Variants in KMT2B observed in about 807,000 individuals in gnomAD.
KMT2B encodes the protein lysine methyltransferase 2B, also known as histone-lysine N-methyltransferase 2B.
KMT2B carries 22 observed loss-of-function variants against 255.3 expected under a neutral mutation model. The ratio of observed to expected loss-of-function variants is 0.09; its 90% confidence interval spans 0.06 to 0.12. The LOEUF (loss-of-function observed/expected upper bound fraction) is 0.12, where lower values mean the gene tolerates loss of function less well. Among genes scored for constraint, KMT2B ranks in the 10% least tolerant of loss-of-function variants. The pLI is 1.00. For missense variants in KMT2B, 3,149 were observed against 3,737.0 expected (o/e 0.84, Z 4.10); for synonymous variants, 1,730 against 1,498.1 (o/e 1.15, Z -3.57).
rs1969623816 is a variant in KMT2B at position 35,729,886 on chromosome 19, C to T, written c.4918-81C>T. On this transcript the variant is annotated intron_variant, in intron 22 of 36. Coordinates refer to ENST00000420124, the MANE Select transcript of KMT2B (RefSeq NM_014727.3). ...TTTGCCGTGCCAGGCTAGACAGGGACCCATGCAGACTCAGTGACAGTGGTG... is the reference window on the plus strand; with the variant it reads ...TTTGCCGTGCCAGGCTAGACAGGGATCCATGCAGACTCAGTGACAGTGGTG... 9 of 1,394,514 alleles carry T rather than the reference C, an allele frequency of 6.5e-6. No individual in the cohort carries two copies. In the East Asian group the frequency reaches 7.4e-5, roughly 11 times the overall value. 86.4% of individuals were successfully genotyped at this position (1,394,514 alleles called of 1,614,324 possible). A position where few individuals can be genotyped will look rare whatever the true frequency, so the allele number is the denominator to read the frequency against.
intron 3 of KMT2B, 98 bp downstream of exon 3, chr19:35,721,902 T>G (rs1969229510): frequency 7.0e-7 from 1 of 1,424,420 alleles, no homozygotes; most frequent in African/African-American, 1.4e-5. Flanking sequence ...TTTCCAGCAT[T>G]GCGGGGAACC....
In KMT2B at chr19:35,720,432, A is replaced by G. The variant is rs764517352; in HGVS notation, c.1085A>G (p.Asp362Gly). The change falls in exon 3 of 37, where the codon GAT (aspartate) becomes GGT (glycine). Residue 362 changes from aspartate to glycine, a missense_variant. Asp to Gly is a moderately conservative substitution (Grantham distance 94). Around this residue, in one of 18 missense-constraint regions of KMT2B, gnomAD observed 1,188 missense variants for 1,106.4 expected, o/e 1.07. Coordinates refer to ENST00000420124, the MANE Select transcript of KMT2B (RefSeq NM_014727.3). ...PCWKKQEQKLDDEEEEKKEEE... is the reference protein window; with the variant it reads ...PCWKKQEQKLGDEEEEKKEEE... The stretch of plus-strand genomic sequence containing the variant: ...TGGAAAAAGCAGGAACAGAAGCTGG[A>G]TGACGAGGAAGAAGAGAAGAAAGAA... 5.8e-6 allele frequency: 9 copies of G among 1,556,682 alleles called. No individual in the cohort carries two copies. In the African/African-American group the frequency reaches 1.2e-4, roughly 21 times the overall value.
At chr19:35,728,071 T>C (rs1969537875) in intron 18 of KMT2B, 27 bp from the exon 19 acceptor site, 1 of 1,580,254 alleles carries the variant, frequency 6.3e-7, no homozygotes, top group Non-Finnish European at 8.6e-7. Flanking sequence ...AAGCTGGCTC[T>C]TCTCATCCTG....
Position 35,722,456 on chromosome 19 carries a change from A to T in KMT2B, c.2555A>T (p.Lys852Met), listed in dbSNP as rs1969258173. Reference sequence around the variant, plus strand: ...TCTGAAGATGAGTCGGTGGAAGCTAAGAGAGAGCGGCCCTCAGTATGCATC... The same window carrying T: ...TCTGAAGATGAGTCGGTGGAAGCTATGAGAGAGCGGCCCTCAGTATGCATC... ...VRSEDESVEA[K>M]RERPSGPESP... Residue 852 changes from lysine to methionine, a missense_variant, in exon 4 of 37, where the codon AAG becomes ATG. By Grantham distance (95) the Lys-to-Met change is moderately conservative. Around this residue, in one of 18 missense-constraint regions of KMT2B, gnomAD observed 1,188 missense variants for 1,106.4 expected, o/e 1.07. Transcript: ENST00000420124. 6.2e-7 allele frequency: 1 copy of T among 1,608,540 alleles called. No homozygotes were observed. Among genetic ancestry groups the T allele is most frequent in the Non-Finnish European group, 8.5e-7 (1 of 1,179,754 alleles).
Position 35,720,117 on chromosome 19 carries a change from T to C in KMT2B, c.770T>C (p.Val257Ala), listed in dbSNP as rs892834265. 1 of 1,599,122 alleles carries C rather than the reference T, an allele frequency of 6.3e-7. No homozygotes were observed. The highest frequency in any genetic ancestry group is 8.5e-7 in the Non-Finnish European group (1 of 1,173,034). Residue 257 changes from valine (V) to alanine (A), a missense_variant, in exon 3 of 37, where the codon GTT becomes GCT. Around this residue, in one of 18 missense-constraint regions of KMT2B, gnomAD observed 1,188 missense variants for 1,106.4 expected, o/e 1.07. Transcript: ENST00000420124. ...AAACCTGAGCCCCCACCTCCTGTGG[T>C]TCCAGTGAAACATCAGACTGGCAGC... is the stretch of plus-strand genomic sequence containing the variant. The part of the protein sequence containing the change: ...IPKPEPPPPV[V>A]PVKHQTGSWK...
rs887753364 is a variant in KMT2B at position 35,728,665 on chromosome 19, A to G, written c.4572-109A>G. 33 of 770,464 alleles carry G rather than the reference A, an allele frequency of 4.3e-5. No homozygotes were observed. In the Admixed American group the frequency reaches 4.6e-4, roughly 11 times the overall value. 47.7% of individuals were successfully genotyped at this position (770,464 alleles called of 1,614,324 possible). ...TTTGGTGGACTGAGAGAAATTCCAC[A>G]TAGAGAGGGAGTAGCGGGTGTCATG... On this transcript the variant is annotated intron_variant, in intron 19 of 36. Coordinates refer to ENST00000420124, the MANE Select transcript of KMT2B (RefSeq NM_014727.3).
In KMT2B at chr19:35,733,309, C is replaced by A. The variant is rs763536557; in HGVS notation, c.6760C>A (p.Pro2254Thr). ...GGTCGGAGTGGTCCGCCCTGCCCCG[C>A]CCCCGCCACCCCCTCCCCTGACGCT... ...PVVGVVRPAP[P>T]PPPPPLTLVL... Residue 2254 changes from proline (P) to threonine (T), a missense_variant, in exon 28 of 37, where the codon CCC becomes ACC. Coordinates refer to ENST00000420124, the MANE Select transcript of KMT2B (RefSeq NM_014727.3). The surrounding 1 kb of genome is among the most constrained non-coding windows in gnomAD (Gnocchi z 4.3). 8.9e-5 allele frequency: 126 copies of A among 1,411,798 alleles called. No individual in the cohort carries two copies. Among genetic ancestry groups the A allele is most frequent in the Middle Eastern group, 2.5e-4 (1 of 4,074 alleles). 87.5% of individuals were successfully genotyped at this position (1,411,798 alleles called of 1,614,324 possible).
chr19:35,723,992 A>AC lies in KMT2B; in HGVS notation c.3325dup (p.Arg1109ProfsTer4). ...GGGCCCCCCTGCTCCTCGGCGTCGG[A>AC]CCCCCCGAGAAAATGGTGCGAACTG... is the stretch of plus-strand genomic sequence containing the variant. On this transcript the variant is annotated frameshift_variant, in exon 8 of 37. Coordinates refer to ENST00000420124, the MANE Select transcript of KMT2B (RefSeq NM_014727.3). LOFTEE classifies it high-confidence loss of function. This position sits in a 1 kb window ranked among gnomAD's most constrained non-coding sequence, Gnocchi z 7.5. 2 of 1,588,678 alleles carry AC rather than the reference A, an allele frequency of 1.3e-6. No individual in the cohort carries two copies. The highest frequency in any genetic ancestry group is 8.6e-7 in the Non-Finnish European group (1 of 1,167,904).
chr19:35,724,149 G>A, intron 8 of KMT2B, 142 bp downstream of exon 8: 2 of 778,326 alleles, frequency 2.6e-6, no homozygotes, highest in Non-Finnish European at 4.0e-6. Context: ...ACAGTTTTTA[G>A]GTGGATGTAC....
chr19:35,723,317 C>CCCTAGGCTTCCTA lies in KMT2B; in HGVS notation c.3002+47_3002+59dup. The stretch of plus-strand genomic sequence containing the variant: ...GACCTCATTCCCGTGGTTGTTGGTC[C>CCCTAGGCTTCCTA]CCTAGGCTTCCTACCTCACTCCTCT... On this transcript the variant is annotated intron_variant, in intron 6 of 36. Transcript: ENST00000420124. The surrounding 1 kb of genome is among the most constrained non-coding windows in gnomAD (Gnocchi z 7.5). The CCCTAGGCTTCCTA allele has an allele frequency of 6.3e-7, 1 of 1,590,874 alleles. No homozygotes were observed. Among genetic ancestry groups the CCCTAGGCTTCCTA allele is most frequent in the Non-Finnish European group, 8.6e-7 (1 of 1,165,170 alleles).
rs900233263 is a variant in KMT2B, at chr19:35,723,600, C to T, written c.3058+98C>T. The T allele has an allele frequency of 7.7e-6, 10 of 1,305,102 alleles. No individual in the cohort carries two copies. Among genetic ancestry groups the T allele is most frequent in the African/African-American group, 3.0e-5 (2 of 67,244 alleles). 80.8% of individuals were successfully genotyped at this position (1,305,102 alleles called of 1,614,324 possible). ...TTGCTCTCCTCCCTTGCAGCTCACCCTCTCCATCTTCTCCGTTGTGTGCTT... is the reference window on the plus strand; with the variant it reads ...TTGCTCTCCTCCCTTGCAGCTCACCTTCTCCATCTTCTCCGTTGTGTGCTT... On this transcript the variant is annotated intron_variant, in intron 7 of 36. Coordinates refer to ENST00000420124, the MANE Select transcript of KMT2B (RefSeq NM_014727.3). This position sits in a 1 kb window ranked among gnomAD's most constrained non-coding sequence, Gnocchi z 7.5.
Position 35,733,220 on chromosome 19 carries a change from T to A in KMT2B, c.6671T>A (p.Ile2224Asn). ...AAGCAGCCACCTTTGCCCCCCACCA[T>A]TTCCCCCACGGCTCCCACCTCCTGG... The part of the protein sequence containing the change: ...PVKQPPLPPT[I>N]SPTAPTSWTL... Residue 2224 changes from isoleucine (I) to asparagine (N), a missense_variant, in exon 28 of 37, where the codon ATT becomes AAT. This residue lies in a region of KMT2B where 897 missense variants were observed against 825.3 expected (regional missense o/e 1.09). Coordinates refer to ENST00000420124, the MANE Select transcript of KMT2B (RefSeq NM_014727.3). This position sits in a 1 kb window ranked among gnomAD's most constrained non-coding sequence, Gnocchi z 4.3. The A allele has an allele frequency of 7.9e-7, 1 of 1,273,728 alleles. No individual in the cohort carries two copies. The highest frequency in any genetic ancestry group is 1.1e-6 in the Non-Finnish European group (1 of 949,740). The allele number at this position is 1,273,728 out of a possible 1,614,324, so 78.9% of individuals were successfully genotyped here. A position where few individuals can be genotyped will look rare whatever the true frequency, so the allele number is the denominator to read the frequency against.
rs1317847851 is a variant in KMT2B at position 35,730,446 on chromosome 19, C to T, written c.5181C>T (p.Ala1727=). Residue 1727 remains alanine, a synonymous_variant, in exon 24 of 37, where the codon GCC becomes GCT. Coordinates refer to ENST00000420124, the MANE Select transcript of KMT2B (RefSeq NM_014727.3). The part of the protein sequence containing the change: ...RKFLTGLEPD[A]INVLIGSIRI... ...TCTTGACGGGGCTTGAACCCGATGC[C>T]ATCAACGTGCTCATTGGTAAGCTGC... 1 of 1,613,868 alleles carries T rather than the reference C, an allele frequency of 6.2e-7. No individual in the cohort carries two copies. Among genetic ancestry groups the T allele is most frequent in the African/African-American group, 1.3e-5 (1 of 75,052 alleles).
rs749159383 is a variant in KMT2B, at chr19:35,720,376, A to G, written c.1029A>G (p.Arg343=). The change falls in exon 3 of 37, where the codon AGA becomes AGG. Residue 343 remains arginine (R), a synonymous_variant. Coordinates refer to ENST00000420124, the MANE Select transcript of KMT2B (RefSeq NM_014727.3). ...EESWQDVPQR[R]VGSGQGGSPC... ...GTTGGCAGGATGTCCCCCAAAGAAG[A>G]GTTGGATCTGGACAGGGAGGGAGCC... 1.3e-6 allele frequency: 2 copies of G among 1,595,544 alleles called. No homozygotes were observed. Among genetic ancestry groups the G allele is most frequent in the Admixed American group, 1.8e-5 (1 of 56,542 alleles).
Position 35,727,663 on chromosome 19 carries a change from C to T in KMT2B, c.4303-35C>T, listed in dbSNP as rs1189867473. The stretch of plus-strand genomic sequence containing the variant: ...GAGGCAGGATGGGCCGGGGCTAGGC[C>T]CACCCCCAGCCCTGCTAACTTCCCC... On this transcript the variant is annotated intron_variant, in intron 16 of 36. Coordinates refer to ENST00000420124, the MANE Select transcript of KMT2B (RefSeq NM_014727.3). This position sits in a 1 kb window ranked among gnomAD's most constrained non-coding sequence, Gnocchi z 4.2. 2.5e-6 allele frequency: 4 copies of T among 1,613,010 alleles called. No individual in the cohort carries two copies. The highest frequency in any genetic ancestry group is 2.2e-5 in the East Asian group (1 of 44,876).
rs1173777993 is a variant in KMT2B, at chr19:35,733,239, C to T, written c.6690C>T (p.Thr2230=). The change falls in exon 28 of 37, where the codon ACC becomes ACT. Residue 2230 remains threonine, a synonymous_variant. Transcript: ENST00000420124. This position sits in a 1 kb window ranked among gnomAD's most constrained non-coding sequence, Gnocchi z 4.3. The part of the protein sequence containing the change: ...LPPTISPTAP[T]SWTLPPGPLL... ...CCACCATTTCCCCCACGGCTCCCACCTCCTGGACTCTGCCCCCAGGCCCCC... is the reference window on the plus strand; with the variant it reads ...CCACCATTTCCCCCACGGCTCCCACTTCCTGGACTCTGCCCCCAGGCCCCC... 6.7e-7 allele frequency: 1 copy of T among 1,493,164 alleles called. No homozygotes were observed. The highest frequency in any genetic ancestry group is 1.2e-5 in the South Asian group (1 of 81,424). 92.5% of individuals were successfully genotyped at this position (1,493,164 alleles called of 1,614,324 possible).
At chr19:35,721,958 C>A (rs1969232003) in intron 3 of KMT2B, among the ~76,000 whole-genome samples, 154 bp downstream of exon 3, 1 of 152,130 alleles carries the variant, frequency 6.6e-6, no homozygotes, top group Admixed American at 6.5e-5. Context: ...TTTGTTCCTC[C>A]CCAGACCTGG....
intron 22 of KMT2B, among the ~76,000 whole-genome samples, chr19:35,729,531 T>C (rs1003161027): frequency 1.2e-4 from 19 of 152,120 alleles, no homozygotes; most frequent in African/African-American, 3.9e-4. Context: ...GCCCATTGAT[T>C]GAACCTGGGC....
In KMT2B at chr19:35,721,469, G is replaced by T. The variant is rs753909605; in HGVS notation, c.2122G>T (p.Ala708Ser). The T allele has an allele frequency of 6.2e-7, 1 of 1,612,328 alleles. No individual in the cohort carries two copies. Among genetic ancestry groups the T allele is most frequent in the East Asian group, 2.2e-5 (1 of 44,856 alleles). The change falls in exon 3 of 37, where the codon GCC becomes TCC. Residue 708 changes from alanine to serine, a missense_variant. Physicochemically the swap from Ala to Ser is moderately conservative, Grantham distance 99. This residue lies in a region of KMT2B where 1,188 missense variants were observed against 1,106.4 expected (regional missense o/e 1.07). Coordinates refer to ENST00000420124, the MANE Select transcript of KMT2B (RefSeq NM_014727.3). Reference protein sequence around the residue: ...RTNHLSLPRFAPVVTTPVKAE... With the variant: ...RTNHLSLPRFSPVVTTPVKAE... ...CAACCACCTCAGCCTGCCTCGATTCGCCCCTGTGGTCACCACTCCTGTTAA... is the reference window on the plus strand; with the variant it reads ...CAACCACCTCAGCCTGCCTCGATTCTCCCCTGTGGTCACCACTCCTGTTAA...
Sources: allele counts gnomAD v4.1 joint callset (sites outside exome capture counted in the v4.1 genomes callset), GRCh38; gene constraint gnomAD v4.1.1; regional missense constraint gnomAD v4.1.1; non-coding constraint Gnocchi (gnomAD v3.1); transcripts MANE v1.5; gene names NCBI Gene and HGNC (gene_info 2026-07-23, HGNC 2026-07-21).